PCDHGA2: variants seen among roughly 807,000 people sequenced by gnomAD.
The protein encoded by PCDHGA2 is protocadherin gamma subfamily A, 2.
Under a neutral mutation model 59.2 loss-of-function variants are expected in PCDHGA2, and 40 were observed. That is an observed-to-expected ratio of 0.68 (90% CI 0.52 to 0.88). The LOEUF (loss-of-function observed/expected upper bound fraction) is 0.88. Among genes scored for constraint, PCDHGA2 ranks in the 40% least tolerant of loss-of-function variants. The pLI is 0.00. For missense variants in PCDHGA2, 1,226 were observed against 1,204.0 expected (o/e 1.02, Z -0.27); for synonymous variants, 560 against 526.0 (o/e 1.06, Z -0.89).
At chr5:141,498,588 A>G (rs1326073516) in intron 2 of PCDHGA2, among the ~76,000 whole-genome samples, 1 of 152,082 alleles carries the variant, frequency 6.6e-6, no homozygotes, top group Non-Finnish European at 1.5e-5. Context: ...GTTCTTCAGT[A>G]AACTTGGTTC....
At chr5:141,356,573 C>G (rs1447765378) in intron 1 of PCDHGA2, 2 of 1,614,090 alleles carry the variant, frequency 1.2e-6, no homozygotes, top group Non-Finnish European at 1.7e-6. Context: ...GCTTCCTACT[C>G]TGCTTACATT....
At chr5:141,346,938 G>A (rs1286736757) in intron 1 of PCDHGA2, among the ~76,000 whole-genome samples, 2 of 152,086 alleles carry the variant, frequency 1.3e-5, no homozygotes, top group South Asian at 2.1e-4. Context: ...GATATTTTAT[G>A]CCCATGAAAT....
chr5:141,409,700 G>GCGGTGT (rs1561722150), intron 1 of PCDHGA2: 2 of 1,613,280 alleles, frequency 1.2e-6, no homozygotes, highest in Admixed American at 3.3e-5. Flanking sequence ...AGAGCCCCTG[G>GCGGTGT]CGGTGTCGTC....
intron 1 of PCDHGA2, among the ~76,000 whole-genome samples, chr5:141,386,310 A>G (rs891781671): frequency 6.6e-6 from 1 of 152,216 alleles, no homozygotes; most frequent in African/African-American, 2.4e-5. Flanking sequence ...AGCTCAGTAT[A>G]TCAAGTGATT....
In PCDHGA2 at chr5:141,431,028, T is replaced by C. The variant is rs367575636; in HGVS notation, c.2425-63779T>C. On this transcript the variant is annotated intron_variant, in intron 1 of 3. Transcript: ENST00000394576. This position sits in a 1 kb window ranked among gnomAD's most constrained non-coding sequence, Gnocchi z 4.8. ...GGCAGCTTGGTCACGGCGGGCAGGA[T>C]AGACCGGGAGGAGCTCTGTATGGGG... The C allele has an allele frequency of 6.2e-7, 1 of 1,613,986 alleles. No homozygotes were observed. Among genetic ancestry groups the C allele is most frequent in the Admixed American group, 1.7e-5 (1 of 60,022 alleles).
rs866190808 is a variant in PCDHGA2 at position 141,376,751 on chromosome 5, A to G, written c.2424+35356A>G. On this transcript the variant is annotated intron_variant, in intron 1 of 3. Transcript: ENST00000394576. ...CCGGACTGCGGACTGCAGTGGCGCA[A>G]TCTCGGCTCACTGCAAGCTCCGCTT... The G allele has an allele frequency of 1.3e-4, 58 of 460,324 alleles. 1 individual carries two copies. Among genetic ancestry groups the G allele is most frequent in the African/African-American group, 1.1e-3 (50 of 46,164 alleles). 28.5% of individuals were successfully genotyped at this position (460,324 alleles called of 1,614,324 possible).
chr5:141,430,622 A>T, intron 1 of PCDHGA2: 1 of 752,270 alleles, frequency 1.3e-6, no homozygotes, highest in Admixed American at 2.9e-5. Context: ...GATAGCTAGG[A>T]ATGAACCATC....
chr5:141,345,796 T>C lies in PCDHGA2; in HGVS notation c.2424+4401T>C, dbSNP rs199546235. On this transcript the variant is annotated intron_variant, in intron 1 of 3. Transcript: ENST00000394576. ...CGCTCCGCAGAGCCCGGCTACCTGG[T>C]GACCAAGGTGGTGGCGGTGGACAGA... is the stretch of plus-strand genomic sequence containing the variant. 323 of 1,613,940 alleles carry C rather than the reference T, an allele frequency of 2.0e-4. No individual in the cohort carries two copies. Among genetic ancestry groups the C allele is most frequent in the South Asian group, 1.0e-3 (91 of 91,060 alleles).
chr5:141,360,494 C>A (rs769927521), intron 1 of PCDHGA2: 3 of 1,613,924 alleles, frequency 1.9e-6, no homozygotes, highest in Admixed American at 1.7e-5. Context: ...TTCTACATAG[C>A]AGTAATTGTG....
chr5:141,393,532 C>T (rs1411410420), intron 1 of PCDHGA2: 5 of 1,613,886 alleles, frequency 3.1e-6, no homozygotes, highest in African/African-American at 2.7e-5. Flanking sequence ...GACAATGCCC[C>T]GGTTTTTCCT....
At chr5:141,369,400 T>A (rs1766214722) in intron 1 of PCDHGA2, among the ~76,000 whole-genome samples, 2 of 152,120 alleles carry the variant, frequency 1.3e-5, no homozygotes, top group Non-Finnish European at 2.9e-5. Flanking sequence ...GCCAGGGTGG[T>A]TCATGACTAT....
At chr5:141,427,570 C>G (rs1487817661) in intron 1 of PCDHGA2, 8 of 662,270 alleles carry the variant, frequency 1.2e-5, no homozygotes, top group Non-Finnish European at 2.2e-5. Flanking sequence ...GGCAAGCCTC[C>G]GCTCTCATCC....
chr5:141,402,845 C>T (rs1273253699), intron 1 of PCDHGA2: 3 of 1,405,122 alleles, frequency 2.1e-6, no homozygotes, highest in Non-Finnish European at 2.8e-6. Flanking sequence ...AAAACTCAGC[C>T]TCTTTCTTCT....
chr5:141,340,931 C>T lies in PCDHGA2; in HGVS notation c.1960C>T (p.Leu654Phe). ...CATCCAGGACCACGGCCAGCCCCCT[C>T]TCTCCGCCACTGTCACGCTCACCGT... The part of the protein sequence containing the change: ...VAIQDHGQPP[L>F]SATVTLTVAV... The change falls in exon 1 of 4, where the codon CTC becomes TTC. Residue 654 changes from leucine (L) to phenylalanine (F), a missense_variant. Coordinates refer to ENST00000394576, the MANE Select transcript of PCDHGA2 (RefSeq NM_018915.4). 6.2e-7 allele frequency: 1 copy of T among 1,613,892 alleles called. No homozygotes were observed. Among genetic ancestry groups the T allele is most frequent in the East Asian group, 2.2e-5 (1 of 44,850 alleles).
At chr5:141,354,984 A>C (rs977159014) in intron 1 of PCDHGA2, 5 of 597,460 alleles carry the variant, frequency 8.4e-6, no homozygotes, top group Non-Finnish European at 1.3e-5. Context: ...GTCGCTGTTC[A>C]CCAATCAGGG....
At position 141,403,830 on chromosome 5, in the gene PCDHGA2, A is replaced by G. The variant is rs763794433; in HGVS notation, c.2424+62435A>G. On this transcript the variant is annotated intron_variant, in intron 1 of 3. Coordinates refer to ENST00000394576, the MANE Select transcript of PCDHGA2 (RefSeq NM_018915.4). ...AATGAAAAACAATCTCTGCTATTCC[A>G]GCTTAATGAAAATACTGGGGAAATA... The G allele has an allele frequency of 3.7e-6, 6 of 1,613,754 alleles. No individual in the cohort carries two copies. In the Admixed American group the frequency reaches 5.0e-5, roughly 13 times the overall value.
chr5:141,370,886 C>A (rs1208326985), intron 1 of PCDHGA2: 1 of 1,614,034 alleles, frequency 6.2e-7, no homozygotes, highest in South Asian at 1.1e-5. Flanking sequence ...ATGTAGGTGT[C>A]AATTCGCTGC....
chr5:141,470,476 A>G (rs1009129571), intron 1 of PCDHGA2, among the ~76,000 whole-genome samples: 7 of 152,128 alleles, frequency 4.6e-5, no homozygotes, highest in African/African-American at 1.7e-4. Context: ...GATATTACTA[A>G]CCCTCTGGGA....
chr5:141,487,516 G>A lies in PCDHGA2; in HGVS notation c.2425-7291G>A, dbSNP rs2099648095. On this transcript the variant is annotated intron_variant, in intron 1 of 3. Coordinates refer to ENST00000394576, the MANE Select transcript of PCDHGA2 (RefSeq NM_018915.4). The surrounding 1 kb of genome is among the most constrained non-coding windows in gnomAD (Gnocchi z 5.0). ...CACCCTTGGCTTCTGCACCCACTCG[G>A]AGTGATAGCTTCATGATGGTGAAGT... 6.2e-7 allele frequency: 1 copy of A among 1,614,078 alleles called. No individual in the cohort carries two copies. The highest frequency in any genetic ancestry group is 1.7e-5 in the Admixed American group (1 of 60,010).
Sources: allele counts gnomAD v4.1 joint callset (sites outside exome capture counted in the v4.1 genomes callset), GRCh38; gene constraint gnomAD v4.1.1; non-coding constraint Gnocchi (gnomAD v3.1); transcripts MANE v1.5; gene names NCBI Gene and HGNC (gene_info 2026-07-23, HGNC 2026-07-21).